The following BORCS5 variants were observed in gnomAD, a reference collection of about 807,000 sequenced individuals.
The protein encoded by BORCS5 is BLOC-1-related complex subunit 5.
In BORCS5, 17 loss-of-function variants were observed where a neutral mutation model predicts 22.1. The observed-to-expected ratio is 0.77, with a 90% CI of 0.53 to 1.15. The LOEUF (loss-of-function observed/expected upper bound fraction) is 1.15, where lower values mean the gene tolerates loss of function less well. Among genes scored for constraint, BORCS5 ranks in the 50% most tolerant of loss-of-function variants. The pLI, the probability that BORCS5 is intolerant of heterozygous loss-of-function variation, is 0.00. For missense variants in BORCS5, 247 were observed against 253.2 expected (o/e 0.98, Z 0.17); for synonymous variants, 117 against 99.8 (o/e 1.17, Z -1.03).
chr12:12,412,499 ATTAG>A (rs1473866936), intron 2 of BORCS5, among the ~76,000 whole-genome samples: 1 of 152,126 alleles, frequency 6.6e-6, no homozygotes, highest in Non-Finnish European at 1.5e-5. Flanking sequence ...TTATTTATTT[ATTAG>A]TTCTGATAGT....
intron 2 of BORCS5, among the ~76,000 whole-genome samples, chr12:12,407,302 A>G (rs1319768582): frequency 6.6e-6 from 1 of 152,042 alleles, no homozygotes; most frequent in Admixed American, 6.6e-5. Flanking sequence ...ACCTGGTTCA[A>G]TTCTCTCCAT....
intron 3 of BORCS5, chr12:12,452,493 G>T (rs1277858915): frequency 4.4e-6 from 2 of 458,892 alleles, no homozygotes; most frequent in Non-Finnish European, 9.0e-6. Context: ...TGGCTGGGTC[G>T]GGCCCACCGG....
At chr12:12,385,467 A>G (rs1253421842) in intron 2 of BORCS5, among the ~76,000 whole-genome samples, 2 of 151,230 alleles carry the variant, frequency 1.3e-5, no homozygotes, top group Non-Finnish European at 3.0e-5. Context: ...GGTTGGGAGA[A>G]GCCTCACATC....
At chr12:12,416,821 G>A (rs1358642096) in intron 2 of BORCS5, among the ~76,000 whole-genome samples, 1 of 122,432 alleles carries the variant, frequency 8.2e-6, no homozygotes, top group Non-Finnish European at 1.7e-5. Context: ...TTGCTTTGTT[G>A]CCCAGGCTGG....
chr12:12,436,283 C>T (rs912790169), intron 3 of BORCS5, among the ~76,000 whole-genome samples: 5 of 152,170 alleles, frequency 3.3e-5, no homozygotes, highest in Non-Finnish European at 5.9e-5. Context: ...GAAACAATTA[C>T]GCCTATTTAA....
At chr12:12,428,130 G>C (rs1942335349) in intron 2 of BORCS5, among the ~76,000 whole-genome samples, 1 of 152,166 alleles carries the variant, frequency 6.6e-6, no homozygotes, top group Admixed American at 6.5e-5. Flanking sequence ...TTGTAATACT[G>C]ATTTCTAGTC....
intron 3 of BORCS5, among the ~76,000 whole-genome samples, chr12:12,438,380 ACG>A (rs1491428766): frequency 0.13 from 16,228 of 123,512 alleles, 2,946 homozygotes; most frequent in African/African-American, 0.42. Flanking sequence ...AAAAAAAAAA[ACG>A]AAAAACAACA....
intron 2 of BORCS5, among the ~76,000 whole-genome samples, chr12:12,393,889 A>T (rs1261866709): frequency 6.6e-6 from 1 of 151,948 alleles, no homozygotes; most frequent in Non-Finnish European, 1.5e-5. Flanking sequence ...TACCAATTAG[A>T]ACAGAAGTTT....
At chr12:12,427,907 G>T (rs1273136802) in intron 2 of BORCS5, among the ~76,000 whole-genome samples, 1 of 152,060 alleles carries the variant, frequency 6.6e-6, no homozygotes, top group African/African-American at 2.4e-5. Flanking sequence ...CACCCACTAA[G>T]GTCCCCACCT....
chr12:12,430,073 T>G (rs1942382012), intron 2 of BORCS5, among the ~76,000 whole-genome samples: 1 of 151,616 alleles, frequency 6.6e-6, no homozygotes, highest in Non-Finnish European at 1.5e-5. Flanking sequence ...AGACATGAGA[T>G]AAAAAGATAA....
rs1221949003 is a variant in BORCS5, at chr12:12,414,953, C to T, written c.203-20675C>T. On this transcript the variant is annotated intron_variant, in intron 2 of 3. Transcript: ENST00000314565. ...TGCTCCCCACATCTCAGACGATGGG[C>T]GGCCGGGCAGAGACGCTCCTCACTT... Among the ~76,000 whole-genome samples the T allele has an allele frequency of 1.6e-4, 21 of 131,928 alleles. No homozygotes were observed. The East Asian group carries it at 3.4e-3, about 22-fold the overall frequency. 86.5% of individuals were successfully genotyped at this position (131,928 alleles called of 152,430 possible). A position where few individuals can be genotyped will look rare whatever the true frequency, so the allele number is the denominator to read the frequency against.
At chr12:12,408,645 C>G (rs1156401913) in intron 2 of BORCS5, among the ~76,000 whole-genome samples, 1 of 152,210 alleles carries the variant, frequency 6.6e-6, no homozygotes, top group Non-Finnish European at 1.5e-5. Context: ...TAAATGGAAT[C>G]ATTCAGTGTT....
chr12:12,416,681 G>C (rs771625641), intron 2 of BORCS5, among the ~76,000 whole-genome samples: 10 of 151,450 alleles, frequency 6.6e-5, no homozygotes, highest in Non-Finnish European at 1.2e-4. Flanking sequence ...AGCTCTTCTC[G>C]AACTCCTGGG....
intron 2 of BORCS5, among the ~76,000 whole-genome samples, chr12:12,374,826 C>A (rs1001551145): frequency 6.6e-6 from 1 of 151,010 alleles, no homozygotes; most frequent in Non-Finnish European, 1.5e-5. Context: ...GGCGTGGTGG[C>A]GCACAGCTGT....
chr12:12,399,461 TAAGAG>T (rs1251483281), intron 2 of BORCS5, among the ~76,000 whole-genome samples: 1 of 151,912 alleles, frequency 6.6e-6, no homozygotes, highest in African/African-American at 2.4e-5. Flanking sequence ...AGAGGGGAAA[TAAGAG>T]AGGACAGGGA....
intron 2 of BORCS5, among the ~76,000 whole-genome samples, chr12:12,393,162 G>A (rs1197665733): frequency 6.6e-6 from 1 of 152,064 alleles, no homozygotes; most frequent in Non-Finnish European, 1.5e-5. Flanking sequence ...TTGAGCTCAG[G>A]AGGCAGAGGT....
At chr12:12,388,917 C>T (rs1342777821) in intron 2 of BORCS5, among the ~76,000 whole-genome samples, 1 of 151,192 alleles carries the variant, frequency 6.6e-6, no homozygotes, top group South Asian at 2.1e-4. Flanking sequence ...CTCTGACTTG[C>T]AGTAAGTTCT....
chr12:12,453,690 TATC>T (rs1414983053), intron 3 of BORCS5, among the ~76,000 whole-genome samples: 1 of 152,204 alleles, frequency 6.6e-6, no homozygotes, highest in Admixed American at 6.5e-5. Context: ...AAAACTGAGT[TATC>T]ATTCACGTAG....
At chr12:12,458,119 T>TTTTTG (rs763096548) in intron 3 of BORCS5, among the ~76,000 whole-genome samples, 24 of 152,256 alleles carry the variant, frequency 1.6e-4, no homozygotes, top group South Asian at 8.3e-4. Context: ...TGCCTACTGT[T>TTTTTG]TTTTGTTTTG....
Sources: gnomAD v4.1 joint callset for allele counts (sites outside exome capture counted in the v4.1 genomes callset) on GRCh38, gnomAD v4.1.1 for gene constraint, MANE v1.5 for transcripts, NCBI Gene and HGNC (gene_info 2026-07-23, HGNC 2026-07-21) for gene names.